PKIB: variants seen among roughly 807,000 people sequenced by gnomAD.
The protein encoded by PKIB is cAMP-dependent protein kinase inhibitor beta, also known as PKI-beta.
Under a neutral mutation model 4.5 loss-of-function variants are expected in PKIB, and 2 were observed. The ratio of observed to expected loss-of-function variants is 0.44; its 90% CI spans 0.18 to 1.39. PKIB has a LOEUF of 1.39. Among genes scored for constraint, PKIB ranks in the 40% most tolerant of loss-of-function variants. The pLI, the probability that PKIB is intolerant of heterozygous loss-of-function variation, is 0.27. For missense variants in PKIB, 94 were observed against 92.6 expected (o/e 1.02, Z -0.06); for synonymous variants, 38 against 36.0 (o/e 1.06, Z -0.20).
chr6:122,685,436 C>G (rs1283459690), intron 3 of PKIB, among the ~76,000 whole-genome samples: 1 of 151,948 alleles, frequency 6.6e-6, no homozygotes, highest in African/African-American at 2.4e-5. Context: ...TGGACAACTG[C>G]CTATAAAAAA....
chr6:122,590,463 A>G (rs1451042473), intron 3 of PKIB, among the ~76,000 whole-genome samples: 1 of 152,146 alleles, frequency 6.6e-6, no homozygotes, highest in Non-Finnish European at 1.5e-5. Flanking sequence ...ATTGCTCTAA[A>G]GAGGTAATAA....
At chr6:122,725,053 C>A in intron 4 of PKIB, 75 bp from the exon 5 acceptor site, 2 of 1,177,092 alleles carry the variant, frequency 1.7e-6, no homozygotes, top group South Asian at 2.8e-5. Context: ...AAAGGAAAAA[C>A]CAATGGTTTT....
intron 2 of PKIB, among the ~76,000 whole-genome samples, chr6:122,659,901 T>C (rs1166435315): frequency 6.6e-6 from 1 of 152,126 alleles, no homozygotes; most frequent in African/African-American, 2.4e-5. Flanking sequence ...GGAACTTTTA[T>C]GTGAAAAGAC....
intron 2 of PKIB, among the ~76,000 whole-genome samples, chr6:122,484,418 G>A (rs1255898664): frequency 2.6e-5 from 4 of 152,006 alleles, no homozygotes; most frequent in Admixed American, 6.6e-5. Context: ...AATCATTTTC[G>A]TCAACTCTTG....
chr6:122,671,803 C>T (rs1196439403), intron 2 of PKIB, among the ~76,000 whole-genome samples: 1 of 152,116 alleles, frequency 6.6e-6, no homozygotes. Flanking sequence ...AAATTTTGTG[C>T]TTCAGACCTG....
intron 2 of PKIB, among the ~76,000 whole-genome samples, chr6:122,495,820 A>G (rs1269286158): frequency 4.6e-5 from 7 of 151,970 alleles, no homozygotes; most frequent in Non-Finnish European, 1.0e-4. Flanking sequence ...ATACCCTGAA[A>G]CCACTTCCAC....
chr6:122,587,386 A>G (rs1285682766), intron 3 of PKIB, among the ~76,000 whole-genome samples: 1 of 152,118 alleles, frequency 6.6e-6, no homozygotes, highest in Non-Finnish European at 1.5e-5. Flanking sequence ...ATAGTATTCC[A>G]TGGTGTATAT....
chr6:122,592,460 G>A (rs1409107215), intron 3 of PKIB, among the ~76,000 whole-genome samples: 1 of 152,120 alleles, frequency 6.6e-6, no homozygotes, highest in African/African-American at 2.4e-5. Flanking sequence ...TCATGAAGAA[G>A]TTGCATTTTA....
At chr6:122,700,258 T>TCC (rs1778755519) in intron 3 of PKIB, among the ~76,000 whole-genome samples, 2 of 125,466 alleles carry the variant, frequency 1.6e-5, no homozygotes, top group Admixed American at 8.6e-5. Flanking sequence ...TTTCTTTTTT[T>TCC]TTTTTTTTTT....
At chr6:122,570,232 C>T (rs1773320177) in intron 2 of PKIB, among the ~76,000 whole-genome samples, 1 of 152,162 alleles carries the variant, frequency 6.6e-6, no homozygotes, top group African/African-American at 2.4e-5. Flanking sequence ...GAAGTAGATG[C>T]CTTCCCTGCT....
At chr6:122,618,525 GA>G (rs891699978) in intron 1 of PKIB, among the ~76,000 whole-genome samples, 2 of 150,902 alleles carry the variant, frequency 1.3e-5, no homozygotes, top group African/African-American at 4.9e-5. Flanking sequence ...ATAGTTTTAA[GA>G]AAAAAAAGGT....
intron 2 of PKIB, among the ~76,000 whole-genome samples, chr6:122,540,686 G>A (rs1347953132): frequency 6.6e-6 from 1 of 152,044 alleles, no homozygotes; most frequent in Non-Finnish European, 1.5e-5. Flanking sequence ...CTCTGTAGAT[G>A]TCAATTAGGT....
At chr6:122,685,996 T>C (rs1778078907) in intron 3 of PKIB, among the ~76,000 whole-genome samples, 1 of 152,236 alleles carries the variant, frequency 6.6e-6, no homozygotes, top group Non-Finnish European at 1.5e-5. Context: ...TCTCATTCTT[T>C]TTATGGCTGA....
In PKIB at chr6:122,621,899, T is replaced by C. The variant is rs114504995; in HGVS notation, c.-161+11364T>C. Among the ~76,000 whole-genome samples the C allele has an allele frequency of 4.9e-3, 743 of 152,126 alleles. 5 individuals are homozygous for C. Among genetic ancestry groups the C allele is most frequent in the African/African-American group, 0.017 (703 of 41,494 alleles). On this transcript the variant is annotated intron_variant, in intron 1 of 4. Coordinates refer to ENST00000368452, the MANE Select transcript of PKIB (RefSeq NM_181795.3). The stretch of plus-strand genomic sequence containing the variant: ...GAAGTAAAGGATATTAGAGGAAATA[T>C]GGGGAGGGCTGGACTCAAGTTCTGA...
chr6:122,520,225 A>G (rs1776891892), intron 2 of PKIB, among the ~76,000 whole-genome samples: 1 of 152,184 alleles, frequency 6.6e-6, no homozygotes, highest in Non-Finnish European at 1.5e-5. Flanking sequence ...CCTGCAAACT[A>G]GATTATAAGC....
At chr6:122,614,463 C>T (rs1046423190) in intron 1 of PKIB, among the ~76,000 whole-genome samples, 1 of 152,204 alleles carries the variant, frequency 6.6e-6, no homozygotes, top group African/African-American at 2.4e-5. Context: ...CTTCTAAGCA[C>T]TCTTATTGGC....
chr6:122,714,818 A>G (rs992603089), intron 3 of PKIB, among the ~76,000 whole-genome samples: 1 of 152,100 alleles, frequency 6.6e-6, no homozygotes, highest in African/African-American at 2.4e-5. Context: ...GTCTTGCTCT[A>G]TCACCCAGGC....
intron 3 of PKIB, among the ~76,000 whole-genome samples, chr6:122,595,800 C>T (rs1459671584): frequency 4.6e-5 from 7 of 152,102 alleles, no homozygotes; most frequent in African/African-American, 1.2e-4. Context: ...CCACTTTGTT[C>T]GTGGGCCTAT....
At chr6:122,682,982 G>A (rs555679391) in intron 3 of PKIB, among the ~76,000 whole-genome samples, 17 of 152,238 alleles carry the variant, frequency 1.1e-4, no homozygotes, top group South Asian at 2.1e-4. Flanking sequence ...AAGGGTCCCC[G>A]GTTGATTGGC....
Sources: allele counts gnomAD v4.1 joint callset (sites outside exome capture counted in the v4.1 genomes callset), GRCh38; gene constraint gnomAD v4.1.1; transcripts MANE v1.5; gene names NCBI Gene and HGNC (gene_info 2026-07-23, HGNC 2026-07-21).